Variants in CCDC149 observed in about 807,000 individuals in gnomAD.
CCDC149 encodes the protein coiled-coil domain-containing protein 149.
A neutral mutation model predicts 59.9 loss-of-function variants in CCDC149; 45 were observed. The observed-to-expected ratio is 0.75, with a 90% CI of 0.59 to 0.96. The LOEUF (loss-of-function observed/expected upper bound fraction) is 0.96, where lower values mean the gene tolerates loss of function less well. Among genes scored for constraint, CCDC149 ranks in the 40% least tolerant of loss-of-function variants. The pLI, the probability that CCDC149 is intolerant of heterozygous loss-of-function variation, is 0.00. For missense variants in CCDC149, 584 were observed against 664.7 expected (o/e 0.88, Z 1.33); for synonymous variants, 245 against 260.6 (o/e 0.94, Z 0.58).
At position 24,847,070 on chromosome 4, in the gene CCDC149, G is replaced by A. The variant is rs181645174; in HGVS notation, c.372+6002C>T. 4.4e-3 allele frequency among the ~76,000 whole-genome samples: 668 copies of A among 152,308 alleles called. 1 individual carries two copies. The highest frequency in any genetic ancestry group is 5.7e-3 in the Non-Finnish European group (391 of 68,034). On this transcript the variant is annotated intron_variant, in intron 4 of 12. Transcript: ENST00000635206. The stretch of plus-strand genomic sequence containing the variant: ...AATAATGCTTGATGCTGGCGAAGTC[G>A]AGGCTGGTGATCAGGAGGGCTGACT...
chr4:24,817,931 T>C lies in CCDC149; in HGVS notation c.1192+1928A>G, dbSNP rs534857569. ...GCTAGGCCAGGCTGCAGAGTTGAGATGTTAAGTGCAAGACAGTGGAGAGCC... is the reference window on the plus strand; with the variant it reads ...GCTAGGCCAGGCTGCAGAGTTGAGACGTTAAGTGCAAGACAGTGGAGAGCC... On this transcript the variant is annotated intron_variant, in intron 12 of 12. Transcript: ENST00000635206. 2.0e-5 allele frequency among the ~76,000 whole-genome samples: 3 copies of C among 152,236 alleles called. No individual in the cohort carries two copies. The South Asian group carries it at 6.2e-4, about 32-fold the overall frequency.
At chr4:24,885,551 C>T (rs1350199737) in intron 1 of CCDC149, among the ~76,000 whole-genome samples, 4 of 152,232 alleles carry the variant, frequency 2.6e-5, no homozygotes, top group African/African-American at 4.8e-5. Context: ...TCCGCCGTGA[C>T]GGCTGGTGCC....
chr4:24,978,702 C>T (rs993569676), intron 1 of CCDC149, among the ~76,000 whole-genome samples: 9 of 152,158 alleles, frequency 5.9e-5, no homozygotes, highest in African/African-American at 1.9e-4. Context: ...CCATTCGCCA[C>T]CCACCGCCCA....
chr4:24,872,917 A>C (rs1719133729), intron 3 of CCDC149, among the ~76,000 whole-genome samples: 1 of 151,604 alleles, frequency 6.6e-6, no homozygotes, highest in African/African-American at 2.4e-5. Flanking sequence ...AACAGTATGT[A>C]ACCACTGAAC....
rs373108552 is a variant in CCDC149 at position 24,850,250 on chromosome 4, T to C, written c.372+2822A>G. ...CATTCCTTCAATAGAGATTATATAA[T>C]ACCTACCTATCAAGAACTAAGAATG... On this transcript the variant is annotated intron_variant, in intron 4 of 12. Transcript: ENST00000635206. Among the ~76,000 whole-genome samples the C allele has an allele frequency of 1.3e-4, 20 of 152,288 alleles. No individual in the cohort carries two copies. The East Asian group carries it at 2.3e-3, about 18-fold the overall frequency.
At chr4:24,931,331 A>ATATATATC (rs1394185015) in intron 1 of CCDC149, among the ~76,000 whole-genome samples, 24 of 147,524 alleles carry the variant, frequency 1.6e-4, no homozygotes, top group African/African-American at 5.5e-4. Context: ...ATATATATAT[A>ATATATATC]TCTCAGTACA....
chr4:24,936,498 A>T (rs1325227002), intron 1 of CCDC149, among the ~76,000 whole-genome samples: 1 of 152,210 alleles, frequency 6.6e-6, no homozygotes, highest in East Asian at 1.9e-4. Context: ...ATATAGTATC[A>T]TGATCAAATC....
chr4:24,920,607 C>T (rs1722257910), intron 1 of CCDC149, among the ~76,000 whole-genome samples: 1 of 152,194 alleles, frequency 6.6e-6, no homozygotes. Flanking sequence ...GATGAATAGA[C>T]TCCACCTCTA....
chr4:24,933,871 G>T (rs1722662485), intron 1 of CCDC149, among the ~76,000 whole-genome samples: 1 of 152,174 alleles, frequency 6.6e-6, no homozygotes, highest in Non-Finnish European at 1.5e-5. Context: ...GGCTCAGCTG[G>T]ATGGTTCTTC....
chr4:24,878,235 AAAAG>A (rs1220125127), intron 1 of CCDC149, among the ~76,000 whole-genome samples: 1 of 147,222 alleles, frequency 6.8e-6, no homozygotes, highest in African/African-American at 2.5e-5. Flanking sequence ...AAAAAAAAAA[AAAAG>A]AAAGTAATTG....
upstream of CCDC149, among the ~76,000 whole-genome samples, chr4:24,916,240 A>T (rs1722115496): frequency 6.6e-6 from 1 of 152,160 alleles, no homozygotes; most frequent in Admixed American, 6.5e-5. Context: ...TGATTTATTT[A>T]TGTGCACCTA....
chr4:24,939,791 A>T (rs1245075991), intron 1 of CCDC149, among the ~76,000 whole-genome samples: 1 of 152,228 alleles, frequency 6.6e-6, no homozygotes, highest in African/African-American at 2.4e-5. Flanking sequence ...AAGAAAGGGT[A>T]TCAGCGATGG....
chr4:24,970,812 C>G (rs4697514), intron 1 of CCDC149, among the ~76,000 whole-genome samples: 24,966 of 151,908 alleles, frequency 0.16, 3,709 homozygotes, highest in African/African-American at 0.39. Context: ...GCACTACTCT[C>G]TTGGGTTTTG....
At chr4:24,860,765 C>T (rs978426188) in intron 3 of CCDC149, among the ~76,000 whole-genome samples, 1 of 151,958 alleles carries the variant, frequency 6.6e-6, no homozygotes, top group African/African-American at 2.4e-5. Flanking sequence ...AACAAATATT[C>T]CCATTAGAAA....
chr4:24,844,779 A>T lies in CCDC149; in HGVS notation c.373-6507T>A, dbSNP rs578202292. 8.6e-5 allele frequency among the ~76,000 whole-genome samples: 13 copies of T among 151,996 alleles called. No individual in the cohort carries two copies. The East Asian group carries it at 2.5e-3, about 29-fold the overall frequency. Reference sequence around the variant, plus strand: ...AGGGCGAGACTCCATCTCAAAATAAAATAAAATAAAATAAAATAAAAATAA... The same window carrying T: ...AGGGCGAGACTCCATCTCAAAATAATATAAAATAAAATAAAATAAAAATAA... On this transcript the variant is annotated intron_variant, in intron 4 of 12. Coordinates refer to ENST00000635206, the MANE Select transcript of CCDC149 (RefSeq NM_001330643.2).
intron 1 of CCDC149, among the ~76,000 whole-genome samples, chr4:24,954,014 A>G (rs1318209913): frequency 6.8e-6 from 1 of 147,100 alleles, no homozygotes; most frequent in South Asian, 2.1e-4. Context: ...AAAAAGATGG[A>G]AAAAAAAAAG....
At chr4:24,862,155 C>A (rs943653521) in intron 3 of CCDC149, among the ~76,000 whole-genome samples, 5 of 152,074 alleles carry the variant, frequency 3.3e-5, no homozygotes, top group African/African-American at 1.2e-4. Context: ...AACTGTTGAC[C>A]CCTCAAAGTG....
intron 3 of CCDC149, among the ~76,000 whole-genome samples, chr4:24,857,029 T>A (rs1260085732): frequency 6.6e-6 from 1 of 152,266 alleles, no homozygotes; most frequent in Middle Eastern, 3.4e-3. Context: ...TAAACCTTCA[T>A]TTAGCGGAAG....
At chr4:24,833,322 G>T (rs1289750505) in intron 8 of CCDC149, among the ~76,000 whole-genome samples, 3 of 152,010 alleles carry the variant, frequency 2.0e-5, no homozygotes, top group African/African-American at 7.2e-5. Flanking sequence ...TGTAGTCTGT[G>T]TATAGATACA....
Sources: gnomAD v4.1 joint callset for allele counts (sites outside exome capture counted in the v4.1 genomes callset) on GRCh38, gnomAD v4.1.1 for gene constraint, MANE v1.5 for transcripts, NCBI Gene and HGNC (gene_info 2026-07-23, HGNC 2026-07-21) for gene names.